The following DNAJC16 variants were observed in gnomAD, a reference collection of about 807,000 sequenced individuals.
The protein encoded by DNAJC16 is DnaJ heat shock protein family (Hsp40) member C16, also known as dnaJ homolog subfamily C member 16.
DNAJC16 carries 76 observed loss-of-function variants against 92.7 expected under a neutral mutation model. The observed-to-expected ratio is 0.82, with a 90% CI of 0.68 to 0.99. The LOEUF (loss-of-function observed/expected upper bound fraction) is 0.99, where lower values mean the gene tolerates loss of function less well. DNAJC16 is among the 50% of genes least tolerant of loss of function. The pLI is 0.00. For synonymous variants in DNAJC16, 328 were observed against 358.7 expected, an observed-to-expected ratio of 0.91 and a Z score of 0.97; for missense variants, 869 against 942.4, an observed-to-expected ratio of 0.92 and a Z score of 1.02.
At chr1:15,564,807 G>A (rs1042875831) in intron 11 of DNAJC16, among the ~76,000 whole-genome samples, 22 of 150,796 alleles carry the variant, frequency 1.5e-4, no homozygotes, top group African/African-American at 4.6e-4. Flanking sequence ...GGGCTTACAG[G>A]TGTGAACCAC....
At chr1:15,538,197 C>G (rs1433411064) in intron 4 of DNAJC16, among the ~76,000 whole-genome samples, 1 of 151,700 alleles carries the variant, frequency 6.6e-6, no homozygotes. Context: ...GAGTTCGAGA[C>G]CAGCCTGGCC....
chr1:15,543,160 C>A lies in DNAJC16; in HGVS notation c.575-1239C>A, dbSNP rs149064122. 9.7e-4 allele frequency among the ~76,000 whole-genome samples: 148 copies of A among 152,276 alleles called. 1 individual carries two copies. Among genetic ancestry groups the A allele is most frequent in the African/African-American group, 3.4e-3 (142 of 41,558 alleles). ...GAGGCTTACATTCTAGAAGGGGAGA[C>A]AGACAATAAACAATTGACAGAAGGA... is the stretch of plus-strand genomic sequence containing the variant. On this transcript the variant is annotated intron_variant, in intron 4 of 14. Transcript: ENST00000375847.
intron 4 of DNAJC16, among the ~76,000 whole-genome samples, chr1:15,539,988 C>T (rs1302775501): frequency 6.6e-6 from 1 of 151,600 alleles, no homozygotes; most frequent in Non-Finnish European, 1.5e-5. Context: ...GATCGAGTCA[C>T]CGCACTCCAG....
At chr1:15,565,573 A>G in intron 11 of DNAJC16, 1 of 239,722 alleles carries the variant, frequency 4.2e-6, no homozygotes, top group South Asian at 6.1e-5. Flanking sequence ...AAAATCAGTA[A>G]AGTTGAGGAA....
chr1:15,546,870 A>G lies in DNAJC16; in HGVS notation c.863A>G (p.Lys288Arg). The change falls in exon 6 of 15, where the codon AAG (lysine) becomes AGG (arginine). Residue 288 changes from lysine to arginine, a missense_variant and splice_region_variant. Transcript: ENST00000375847. ...DQTPIVPLLYKLTAFAYKDYL... is the reference protein window; with the variant it reads ...DQTPIVPLLYRLTAFAYKDYL... ...ACGCCCATTGTGCCACTGTTATACA[A>G]GGTACTTTCTATGCTAGGATAATGG... is the stretch of plus-strand genomic sequence containing the variant. The G allele has an allele frequency of 6.3e-7, 1 of 1,599,026 alleles. No homozygotes were observed. The highest frequency in any genetic ancestry group is 8.5e-7 in the Non-Finnish European group (1 of 1,171,364).
rs766536943 is a variant in DNAJC16, at chr1:15,534,316, G to T, written c.234+13G>T. 30 of 1,613,014 alleles carry T rather than the reference G, an allele frequency of 1.9e-5. No homozygotes were observed. The highest frequency in any genetic ancestry group is 2.4e-5 in the Non-Finnish European group (28 of 1,179,504). On this transcript the variant is annotated intron_variant, in intron 3 of 14. Coordinates refer to ENST00000375847, the MANE Select transcript of DNAJC16 (RefSeq NM_015291.4). ...TAAGGCTTACGAGGTATCGTGTCCA[G>T]CTTTGTGATGCATCCATTAGCTCTT...
intron 3 of DNAJC16, among the ~76,000 whole-genome samples, chr1:15,535,205 T>C (rs947287418): frequency 6.6e-6 from 1 of 152,248 alleles, no homozygotes; most frequent in African/African-American, 2.4e-5. Context: ...TCATAGCTTT[T>C]CTTATCTTGG....
At chr1:15,530,253 T>C (rs879437750) in intron 2 of DNAJC16, among the ~76,000 whole-genome samples, 2 of 143,562 alleles carry the variant, frequency 1.4e-5, no homozygotes, top group Non-Finnish European at 3.0e-5. Flanking sequence ...CTCATCACTA[T>C]GGAAAAAAAA....
At chr1:15,529,022 T>G in intron 1 of DNAJC16, 66 bp from the exon 2 acceptor site, 1 of 1,445,674 alleles carries the variant, frequency 6.9e-7, no homozygotes, top group Non-Finnish European at 9.5e-7. Flanking sequence ...TCTTATACCT[T>G]TACCTAAAAA....
At chr1:15,539,249 T>C (rs201851571) in intron 4 of DNAJC16, among the ~76,000 whole-genome samples, 7 of 151,906 alleles carry the variant, frequency 4.6e-5, no homozygotes, top group Admixed American at 6.6e-5. Context: ...TTTTATTTTT[T>C]TTTTTTATTT....
intron 7 of DNAJC16, among the ~76,000 whole-genome samples, chr1:15,552,677 A>G (rs1638473299): frequency 6.6e-6 from 1 of 151,174 alleles, no homozygotes; most frequent in Non-Finnish European, 1.5e-5. Flanking sequence ...ATTCTTGTCA[A>G]CAGGAAGTCA....
At chr1:15,566,218 C>T (rs1638804071) in intron 13 of DNAJC16, 38 bp downstream of exon 13, 5 of 1,533,304 alleles carry the variant, frequency 3.3e-6, no homozygotes, top group African/African-American at 1.4e-5. Flanking sequence ...CTCCCCGGCA[C>T]CTGCCCCCCA....
chr1:15,564,387 T>C, intron 11 of DNAJC16, 28 bp downstream of exon 11: 2 of 1,413,118 alleles, frequency 1.4e-6, no homozygotes, highest in Non-Finnish European at 2.0e-6. Context: ...CTGAATTTCT[T>C]TTTCTCTGTT....
At chr1:15,562,467 G>GT in intron 9 of DNAJC16, 142 bp downstream of exon 9, 2 of 905,138 alleles carry the variant, frequency 2.2e-6, no homozygotes, top group Non-Finnish European at 3.1e-6. Context: ...CTACTCTTTT[G>GT]TTTTTCCTTT....
intron 11 of DNAJC16, 75 bp downstream of exon 11, chr1:15,564,434 C>A: frequency 2.0e-6 from 2 of 989,346 alleles, no homozygotes; most frequent in East Asian, 2.4e-5. Flanking sequence ...GAAAAGAGTT[C>A]ATCATTATTA....
At chr1:15,529,313 C>T in intron 2 of DNAJC16, 41 bp downstream of exon 2, 1 of 1,555,618 alleles carries the variant, frequency 6.4e-7, no homozygotes, top group South Asian at 1.2e-5. Context: ...ATAAGCTAAA[C>T]AGTCTTAGCA....
Position 15,567,795 on chromosome 1 carries a change from TCTC to T in DNAJC16, c.1970_1972del (p.Ser657del). 6.2e-7 allele frequency: 1 copy of T among 1,613,818 alleles called. No homozygotes were observed. Among genetic ancestry groups the T allele is most frequent in the Non-Finnish European group, 8.5e-7 (1 of 1,179,800 alleles). On this transcript the variant is annotated inframe_deletion, in exon 15 of 15. Coordinates refer to ENST00000375847, the MANE Select transcript of DNAJC16 (RefSeq NM_015291.4). Reference sequence around the variant, plus strand: ...TCCTACAGGAGCAGCTGCCTACACTTCTCCTTCCTGAGTCTAGATAAACACAGA... The same window carrying T: ...TCCTACAGGAGCAGCTGCCTACACTTCTTCCTGAGTCTAGATAAACACAGA...
intron 6 of DNAJC16, among the ~76,000 whole-genome samples, chr1:15,547,695 G>T (rs1638344689): frequency 6.6e-6 from 1 of 152,026 alleles, no homozygotes; most frequent in South Asian, 2.1e-4. Context: ...GCCCACCTCG[G>T]CCTCCCAAAG....
At chr1:15,537,170 T>G (rs1710812631) in intron 4 of DNAJC16, among the ~76,000 whole-genome samples, 1 of 152,166 alleles carries the variant, frequency 6.6e-6, no homozygotes, top group Non-Finnish European at 1.5e-5. Context: ...GTTTTTTAAA[T>G]TGCCTATTCT....
Sources: gnomAD v4.1 joint callset for allele counts (sites outside exome capture counted in the v4.1 genomes callset) on GRCh38, gnomAD v4.1.1 for gene constraint, MANE v1.5 for transcripts, NCBI Gene and HGNC (gene_info 2026-07-23, HGNC 2026-07-21) for gene names.